The following WASL variants were observed in gnomAD, a reference collection of about 807,000 sequenced individuals.
The protein encoded by WASL is actin nucleation-promoting factor WASL.
WASL carries 20 observed loss-of-function variants against 55.5 expected under a neutral mutation model. The observed-to-expected ratio is 0.36, with a 90% CI of 0.25 to 0.52. The LOEUF is 0.52. Ranked by LOEUF, WASL falls within the 20% of genes least tolerant of loss-of-function variation. WASL has a pLI of 0.92. For synonymous variants in WASL, 249 were observed against 217.6 expected (o/e 1.14, Z -1.27); for missense variants, 504 against 622.5 (o/e 0.81, Z 2.03).
In WASL at chr7:123,706,331, T is replaced by C. The variant is rs1472060299; in HGVS notation, c.382A>G (p.Lys128Glu). Residue 128 changes from lysine to glutamate, a missense_variant, in exon 4 of 11, where the codon AAA (lysine) becomes GAA (glutamate). By Grantham distance (56) the Lys-to-Glu change is moderately conservative (BLOSUM62 1). Around this residue, in one of 5 missense-constraint regions of WASL, gnomAD observed 230 missense variants for 271.9 expected, o/e 0.85. Coordinates refer to ENST00000223023, the MANE Select transcript of WASL (RefSeq NM_003941.4). ...ALNFANEEEA[K>E]KFRKAVTDLL... ...TCTGTAACTGCTTTTCGAAATTTTTTTGCTTCTTCTTCATTGGCAAAATTA... is the reference window on the plus strand; with the variant it reads ...TCTGTAACTGCTTTTCGAAATTTTTCTGCTTCTTCTTCATTGGCAAAATTA... The C allele has an allele frequency of 6.2e-7, 1 of 1,613,646 alleles. No homozygotes were observed. The highest frequency in any genetic ancestry group is 8.5e-7 in the Non-Finnish European group (1 of 1,179,824).
rs6961328 is a variant in WASL, at chr7:123,707,439, T to C, written c.253-613A>G. On this transcript the variant is annotated intron_variant, in intron 2 of 10. Coordinates refer to ENST00000223023, the MANE Select transcript of WASL (RefSeq NM_003941.4). ...TAATTAAAATGTATCAAGGTTAAACTATGGATAAGAGTGCCATGATGGCTG... is the reference window on the plus strand; with the variant it reads ...TAATTAAAATGTATCAAGGTTAAACCATGGATAAGAGTGCCATGATGGCTG... Among the ~76,000 whole-genome samples the C allele has an allele frequency of 8.8e-3, 1,334 of 152,298 alleles. 23 individuals carry two copies. Among genetic ancestry groups the C allele is most frequent in the African/African-American group, 0.03 (1,251 of 41,572 alleles).
intron 10 of WASL, among the ~76,000 whole-genome samples, chr7:123,685,876 A>T (rs1275290421): frequency 2.7e-5 from 3 of 112,604 alleles, no homozygotes; most frequent in Non-Finnish European, 5.5e-5. Context: ...AAATATATAA[A>T]TATATATAAA....
chr7:123,686,332 A>T (rs1187997512), intron 10 of WASL, among the ~76,000 whole-genome samples: 2 of 152,174 alleles, frequency 1.3e-5, no homozygotes, highest in Non-Finnish European at 2.9e-5. Flanking sequence ...TTGCTACCAG[A>T]TTTTGCTAGA....
At chr7:123,689,886 C>A (rs1803370656) in intron 9 of WASL, among the ~76,000 whole-genome samples, 1 of 128,138 alleles carries the variant, frequency 7.8e-6, no homozygotes, top group African/African-American at 2.8e-5. Context: ...AATTCTTAAT[C>A]ATTTCCCAAA....
At chr7:123,738,615 T>C (rs1300799442) in intron 1 of WASL, among the ~76,000 whole-genome samples, 2 of 152,210 alleles carry the variant, frequency 1.3e-5, no homozygotes, top group South Asian at 2.1e-4. Flanking sequence ...ACAACTAGAT[T>C]TCATCTATCG....
At chr7:123,719,893 A>G (rs1339536161) in intron 1 of WASL, among the ~76,000 whole-genome samples, 1 of 152,048 alleles carries the variant, frequency 6.6e-6, no homozygotes, top group African/African-American at 2.4e-5. Flanking sequence ...GAACCTCCCA[A>G]CCCACCTTTC....
intron 4 of WASL, among the ~76,000 whole-genome samples, chr7:123,705,911 C>A (rs751657714): frequency 3.3e-5 from 5 of 151,996 alleles, no homozygotes; most frequent in African/African-American, 1.2e-4. Flanking sequence ...AATGCTATCA[C>A]AAATGCAAAA....
intron 10 of WASL, among the ~76,000 whole-genome samples, chr7:123,687,478 T>C (rs369166661): frequency 3.9e-5 from 6 of 152,164 alleles, no homozygotes; most frequent in African/African-American, 1.4e-4. Context: ...GTTCTTTCCA[T>C]CGGATACACT....
At chr7:123,728,391 G>A (rs1053108986) in intron 1 of WASL, among the ~76,000 whole-genome samples, 1 of 152,176 alleles carries the variant, frequency 6.6e-6, no homozygotes, top group African/African-American at 2.4e-5. Context: ...GAAGACAGAT[G>A]AAGAGCATGT....
At chr7:123,710,717 A>C (rs1803740630) in intron 1 of WASL, among the ~76,000 whole-genome samples, 1 of 152,168 alleles carries the variant, frequency 6.6e-6, no homozygotes, top group Admixed American at 6.5e-5. Context: ...AGAGTCAATA[A>C]AAATTATGAT....
At chr7:123,696,260 A>C (rs1011028572) in intron 6 of WASL, among the ~76,000 whole-genome samples, 1 of 152,062 alleles carries the variant, frequency 6.6e-6, no homozygotes, top group Non-Finnish European at 1.5e-5. Flanking sequence ...ATCTGTAAAC[A>C]ATTTCTAAAT....
chr7:123,726,794 A>G (rs1249541042), intron 1 of WASL, among the ~76,000 whole-genome samples: 1 of 152,140 alleles, frequency 6.6e-6, no homozygotes, highest in African/African-American at 2.4e-5. Flanking sequence ...TGAACCCATG[A>G]GGCAGAGGTT....
At chr7:123,740,695 A>T (rs1365418333) in intron 1 of WASL, among the ~76,000 whole-genome samples, 1 of 152,040 alleles carries the variant, frequency 6.6e-6, no homozygotes, top group Non-Finnish European at 1.5e-5. Context: ...TCCTGGGCTC[A>T]AGTGAACCTC....
chr7:123,700,679 C>T (rs1451426452), intron 5 of WASL, among the ~76,000 whole-genome samples: 1 of 152,194 alleles, frequency 6.6e-6, no homozygotes, highest in African/African-American at 2.4e-5. Context: ...ACCTCGTGAT[C>T]CACCTGCCTC....
chr7:123,698,818 A>G (rs4624965), intron 5 of WASL, among the ~76,000 whole-genome samples: 152,298 of 152,298 alleles, frequency 1, 76,149 homozygotes, highest in Non-Finnish European at 1. Flanking sequence ...TCAGATTTCG[A>G]CATTTATGTA....
chr7:123,706,932 C>A (rs542045448), intron 2 of WASL, 106 bp from the exon 3 acceptor site: 1 of 560,720 alleles, frequency 1.8e-6, no homozygotes, highest in Non-Finnish European at 3.0e-6. Flanking sequence ...TTAAAAATAA[C>A]TTTTAATGCA....
At position 123,706,333 on chromosome 7, in the gene WASL, G is replaced by A. The variant is rs1230774344; in HGVS notation, c.380C>T (p.Ala127Val). The A allele has an allele frequency of 6.2e-7, 1 of 1,613,158 alleles. No homozygotes were observed. The highest frequency in any genetic ancestry group is 8.5e-7 in the Non-Finnish European group (1 of 1,179,660). The change falls in exon 4 of 11, where the codon GCA (alanine) becomes GTA (valine). Residue 127 changes from alanine (A) to valine (V), a missense_variant. Physicochemically the swap from Ala to Val is moderately conservative, Grantham distance 64. Coordinates refer to ENST00000223023, the MANE Select transcript of WASL (RefSeq NM_003941.4). Reference sequence around the variant, plus strand: ...TGTAACTGCTTTTCGAAATTTTTTTGCTTCTTCTTCATTGGCAAAATTAAG... The same window carrying A: ...TGTAACTGCTTTTCGAAATTTTTTTACTTCTTCTTCATTGGCAAAATTAAG... ...VALNFANEEEAKKFRKAVTDL... is the reference protein window; with the variant it reads ...VALNFANEEEVKKFRKAVTDL...
chr7:123,702,163 C>T (rs1803600922), intron 5 of WASL, among the ~76,000 whole-genome samples: 1 of 151,870 alleles, frequency 6.6e-6, no homozygotes, highest in Non-Finnish European at 1.5e-5. Flanking sequence ...TCAAGCAATT[C>T]TCCTGCCTCA....
chr7:123,708,958 C>T (rs1803714539), intron 2 of WASL, 131 bp downstream of exon 2: 1 of 872,004 alleles, frequency 1.1e-6, no homozygotes, highest in Non-Finnish European at 1.6e-6. Context: ...AAAAACCAAG[C>T]TTCACTCTTC....
Sources: allele counts gnomAD v4.1 joint callset (sites outside exome capture counted in the v4.1 genomes callset), GRCh38; gene constraint gnomAD v4.1.1; regional missense constraint gnomAD v4.1.1; transcripts MANE v1.5; gene names NCBI Gene and HGNC (gene_info 2026-07-23, HGNC 2026-07-21).